Variants in ANKRD28 observed in about 807,000 individuals in gnomAD.
The protein encoded by ANKRD28 is serine/threonine-protein phosphatase 6 regulatory ankyrin repeat subunit A.
A neutral mutation model predicts 126.5 loss-of-function variants in ANKRD28; 44 were observed. The observed-to-expected ratio is 0.35, with a 90% CI of 0.27 to 0.45. ANKRD28 has a LOEUF of 0.45. Among genes scored for constraint, ANKRD28 ranks in the 20% least tolerant of loss-of-function variants. The pLI is 1.00. For synonymous variants in ANKRD28, 442 were observed against 468.5 expected, an observed-to-expected ratio of 0.94 and a Z score of 0.73; for missense variants, 1,110 against 1,316.6, an observed-to-expected ratio of 0.84 and a Z score of 2.43.
At chr3:15,795,899 C>T (rs1186648868) in intron 1 of ANKRD28, among the ~76,000 whole-genome samples, 1 of 152,132 alleles carries the variant, frequency 6.6e-6, no homozygotes, top group Non-Finnish European at 1.5e-5. Flanking sequence ...ACGATACAGC[C>T]TCTTGATAAG....
chr3:15,787,197 A>G (rs919688936), intron 2 of ANKRD28, among the ~76,000 whole-genome samples: 15 of 152,306 alleles, frequency 9.8e-5, no homozygotes, highest in African/African-American at 3.4e-4. Context: ...CATGTATAAC[A>G]TGCTTACTAA....
At position 15,796,444 on chromosome 3, in the gene ANKRD28, T is replaced by C. The variant is rs917032276; in HGVS notation, c.78A>G (p.Glu26=). The C allele has an allele frequency of 1.6e-6, 2 of 1,288,442 alleles. No individual in the cohort carries two copies. The highest frequency in any genetic ancestry group is 3.0e-5 in the African/African-American group (2 of 65,796). The allele number at this position is 1,288,442 out of a possible 1,614,324, so 79.8% of individuals were successfully genotyped here. The change falls in exon 1 of 28, where the codon GAA becomes GAG. Residue 26 remains glutamate, a synonymous_variant. Coordinates refer to ENST00000683139, the MANE Select transcript of ANKRD28 (RefSeq NM_001349278.2). ...AAGGTGGAGAATGTAGGGATTTATT[T>C]TCCTGTGGCAATTTAGAAATGAATG... ...SPAFISKLPQ[E]NKSLHSPPSG...
At chr3:15,771,286 T>C (rs750207207) in intron 2 of ANKRD28, among the ~76,000 whole-genome samples, 71 of 152,010 alleles carry the variant, frequency 4.7e-4, no homozygotes, top group Non-Finnish European at 9.1e-4. Context: ...GGCGGGCACC[T>C]GTAATCCCAG....
In ANKRD28 at chr3:15,686,104, T is replaced by C. The variant is rs561125204; in HGVS notation, c.2067A>G (p.Leu689=). Residue 689 remains leucine, a synonymous_variant, in exon 20 of 28, where the codon CTA becomes CTG. Coordinates refer to ENST00000683139, the MANE Select transcript of ANKRD28 (RefSeq NM_001349278.2). ...QDGNGQTPLM[L]SVLNGHTDCV... is the part of the protein sequence containing the mutation. ...AGTCTGTGTGCCCGTTGAGAACAGA[T>C]AGCATCAGAGGCGTCCTGAGCAACA... 3.7e-5 allele frequency: 59 copies of C among 1,613,266 alleles called. No homozygotes were observed. Among genetic ancestry groups the C allele is most frequent in the South Asian group, 8.8e-5 (8 of 90,822 alleles).
At chr3:15,706,029 A>G (rs1045529423) in intron 14 of ANKRD28, among the ~76,000 whole-genome samples, 2 of 132,422 alleles carry the variant, frequency 1.5e-5, no homozygotes, top group Non-Finnish European at 3.2e-5. Flanking sequence ...AAACAACAAA[A>G]AAACCCACAA....
Position 15,796,563 on chromosome 3 carries a change from G to T in ANKRD28, c.-42C>A, listed in dbSNP as rs2060284127. ...CTAAATTCCAAGCTATGTGATAAAA[G>T]TCACAGTTGGAAGAGCACAAGTAGT... On this transcript the variant is annotated 5_prime_UTR_variant, in exon 1 of 28. Transcript: ENST00000683139. 8.0e-7 allele frequency: 1 copy of T among 1,254,252 alleles called. No homozygotes were observed. Among genetic ancestry groups the T allele is most frequent in the Non-Finnish European group, 1.0e-6 (1 of 967,554 alleles). 77.7% of individuals were successfully genotyped at this position (1,254,252 alleles called of 1,614,324 possible).
chr3:15,799,338 C>T (rs2060409151), upstream of ANKRD28, among the ~76,000 whole-genome samples: 1 of 151,462 alleles, frequency 6.6e-6, no homozygotes, highest in Non-Finnish European at 1.5e-5. Flanking sequence ...CAAAAAATCC[C>T]AGCATGATAC....
intron 4 of ANKRD28, among the ~76,000 whole-genome samples, chr3:15,741,558 T>C (rs1004129962): frequency 1.1e-4 from 16 of 152,122 alleles, no homozygotes; most frequent in Non-Finnish European, 2.1e-4. Context: ...AAACATTCCA[T>C]GACATTAATT....
At chr3:15,824,111 C>A (rs919558981) in intron 1 of ANKRD28, among the ~76,000 whole-genome samples, 19 of 152,150 alleles carry the variant, frequency 1.2e-4, no homozygotes, top group Non-Finnish European at 2.2e-4. Context: ...ATAAAACAAA[C>A]CAAAAAATCA....
intron 1 of ANKRD28, among the ~76,000 whole-genome samples, chr3:15,828,372 G>A (rs1409390753): frequency 6.6e-6 from 1 of 152,074 alleles, no homozygotes. Context: ...GAGGTGGGCA[G>A]AAACATGAAG....
At chr3:15,700,786 T>C (rs1479820942) in intron 14 of ANKRD28, among the ~76,000 whole-genome samples, 2 of 151,882 alleles carry the variant, frequency 1.3e-5, no homozygotes, top group African/African-American at 4.8e-5. Flanking sequence ...CACAACAGTA[T>C]ATAGGCCATA....
chr3:15,688,660 G>GA (rs1262871805), intron 18 of ANKRD28, among the ~76,000 whole-genome samples: 2 of 151,872 alleles, frequency 1.3e-5, no homozygotes, highest in African/African-American at 2.4e-5. Context: ...CAAAGGACTA[G>GA]AAAAAAAATC....
chr3:15,853,404 G>A lies in ANKRD28; in HGVS notation c.27+5973C>T, dbSNP rs1052911213. ...AAATAAGACAAAATGCTGAAAAAATGTATCCAAAATCTAACTATTTGGGTT... is the reference window on the plus strand; with the variant it reads ...AAATAAGACAAAATGCTGAAAAAATATATCCAAAATCTAACTATTTGGGTT... On this transcript the variant is annotated intron_variant, in intron 1 of 27. Transcript: ENST00000399451. The surrounding 1 kb of genome is among the most constrained non-coding windows in gnomAD (Gnocchi z 4.2). 2.0e-5 allele frequency among the ~76,000 whole-genome samples: 3 copies of A among 152,100 alleles called. No individual in the cohort carries two copies. Among genetic ancestry groups the A allele is most frequent in the African/African-American group, 7.2e-5 (3 of 41,424 alleles).
chr3:15,785,619 G>A (rs750409942), intron 2 of ANKRD28, among the ~76,000 whole-genome samples: 37 of 152,080 alleles, frequency 2.4e-4, no homozygotes, highest in Non-Finnish European at 4.9e-4. Flanking sequence ...TGCTATGAGT[G>A]CACACTGGTA....
intron 3 of ANKRD28, among the ~76,000 whole-genome samples, chr3:15,759,509 C>A (rs948533819): frequency 6.6e-6 from 1 of 152,016 alleles, no homozygotes; most frequent in African/African-American, 2.4e-5. Context: ...ACAGGTGCCA[C>A]GCCAAAAATT....
chr3:15,850,180 C>A (rs2061606868), intron 1 of ANKRD28, among the ~76,000 whole-genome samples: 3 of 81,062 alleles, frequency 3.7e-5, no homozygotes, highest in Non-Finnish European at 4.7e-5. Flanking sequence ...AACTGGGTAT[C>A]TACATGCAAT....
rs1224877610 is a variant in ANKRD28 at position 15,843,067 on chromosome 3, C to T, written c.27+16310G>A. Among the ~76,000 whole-genome samples the T allele has an allele frequency of 1.3e-5, 2 of 152,202 alleles. No individual in the cohort carries two copies. The highest frequency in any genetic ancestry group is 4.8e-5 in the African/African-American group (2 of 41,450). ...TATAAGAAAAGAGGTTTAACTGGCT[C>T]ATCCTTTTGCAGGCTATACAGGAAT... On this transcript the variant is annotated intron_variant, in intron 1 of 27. Transcript: ENST00000399451. This position sits in a 1 kb window ranked among gnomAD's most constrained non-coding sequence, Gnocchi z 5.2.
rs1197178046 is a variant in ANKRD28, at chr3:15,845,320, A to G, written c.27+14057T>C. Among the ~76,000 whole-genome samples, 4 of 152,116 alleles carry G rather than the reference A, an allele frequency of 2.6e-5. No homozygotes were observed. Among genetic ancestry groups the G allele is most frequent in the Non-Finnish European group, 5.9e-5 (4 of 68,018 alleles). ...CAGAACATTTCTAAAGTATATATATATATATATTCCATATTACATTTATCC... is the reference window on the plus strand; with the variant it reads ...CAGAACATTTCTAAAGTATATATATGTATATATTCCATATTACATTTATCC... On this transcript the variant is annotated intron_variant, in intron 1 of 27. Transcript: ENST00000399451. The surrounding 1 kb of genome is among the most constrained non-coding windows in gnomAD (Gnocchi z 4.9).
upstream of ANKRD28, chr3:15,798,173 GCTGA>G (rs1159764053): frequency 2.1e-5 from 21 of 985,228 alleles, no homozygotes; most frequent in South Asian, 4.7e-5. Context: ...TACTGCCTCT[GCTGA>G]CTAACAGTGG....
Sources: gnomAD v4.1 joint callset for allele counts (sites outside exome capture counted in the v4.1 genomes callset) on GRCh38, gnomAD v4.1.1 for gene constraint, Gnocchi (gnomAD v3.1) non-coding constraint, MANE v1.5 for transcripts, NCBI Gene and HGNC (gene_info 2026-07-23, HGNC 2026-07-21) for gene names.